Variants in DYTN observed in about 807,000 individuals in gnomAD.
The protein encoded by DYTN is dystrotelin.
A neutral mutation model predicts 69.6 loss-of-function variants in DYTN; 75 were observed. That is an observed-to-expected ratio of 1.08 (90% CI 0.89 to 1.31). The LOEUF is 1.31. Among genes scored for constraint, DYTN ranks in the 50% most tolerant of loss-of-function variants. The probability of loss-of-function intolerance (pLI) is 0.00; values close to 1 mark genes in which losing one functional copy is unlikely to be tolerated. For synonymous variants in DYTN, 252 were observed against 249.1 expected (o/e 1.01, Z -0.11); for missense variants, 726 against 688.4 (o/e 1.05, Z -0.61).
At chr2:206,684,045 T>A (rs1257141419) in intron 9 of DYTN, among the ~76,000 whole-genome samples, 1 of 152,090 alleles carries the variant, frequency 6.6e-6, no homozygotes, top group East Asian at 1.9e-4. Context: ...CTCACTAGGA[T>A]GCAAGCTCAC....
At chr2:206,665,805 G>A in intron 10 of DYTN, 65 bp downstream of exon 10, 3 of 1,566,722 alleles carry the variant, frequency 1.9e-6, no homozygotes, top group South Asian at 2.4e-5. Context: ...CTCCTCCCTT[G>A]GCTGAAGGAC....
chr2:206,683,107 A>G (rs1699768672), intron 9 of DYTN, among the ~76,000 whole-genome samples: 1 of 152,224 alleles, frequency 6.6e-6, no homozygotes, highest in South Asian at 2.1e-4. Flanking sequence ...ATTTTAAGTT[A>G]AAATTTGTAA....
Position 206,655,215 on chromosome 2 carries a change from T to C in DYTN, c.1634-3294A>G, listed in dbSNP as rs1316420811. ...GAGTGTATTGAATTCTGTAAAATGC[T>C]TTTTTCCTATATCTATTGTGATGAT... On this transcript the variant is annotated intron_variant, in intron 11 of 11. Transcript: ENST00000452335. 5.3e-5 allele frequency among the ~76,000 whole-genome samples: 8 copies of C among 151,796 alleles called. No individual in the cohort carries two copies. In the Admixed American group the frequency reaches 5.3e-4, roughly 10 times the overall value.
intron 5 of DYTN, among the ~76,000 whole-genome samples, chr2:206,702,268 T>A (rs1028154487): frequency 6.6e-6 from 1 of 152,264 alleles, no homozygotes; most frequent in African/African-American, 2.4e-5. Flanking sequence ...TATTCCCATT[T>A]GGTCACGGGT....
At chr2:206,710,447 G>A (rs1470440986) in intron 2 of DYTN, 77 bp downstream of exon 2, 12 of 1,389,740 alleles carry the variant, frequency 8.6e-6, no homozygotes, top group Admixed American at 2.1e-5. Flanking sequence ...TGGGGGGAGT[G>A]TTTGTTTTCT....
chr2:206,697,119 C>T (rs1368711888), intron 7 of DYTN, among the ~76,000 whole-genome samples: 1 of 152,188 alleles, frequency 6.6e-6, no homozygotes, highest in Non-Finnish European at 1.5e-5. Flanking sequence ...GCTGCTTTAT[C>T]AAGCATTAAC....
At position 206,693,163 on chromosome 2, in the gene DYTN, G is replaced by T. The variant is rs373961658; in HGVS notation, c.980+12C>A. On this transcript the variant is annotated intron_variant, in intron 9 of 11. Transcript: ENST00000452335. Reference sequence around the variant, plus strand: ...TGCTCTGTGGGATCAGCCAATCCTCGCAGCCACTCACCTGGCCTGCGCATG... The same window carrying T: ...TGCTCTGTGGGATCAGCCAATCCTCTCAGCCACTCACCTGGCCTGCGCATG... 3 of 1,600,212 alleles carry T rather than the reference G, an allele frequency of 1.9e-6. No individual in the cohort carries two copies. The highest frequency in any genetic ancestry group is 2.7e-5 in the African/African-American group (2 of 74,718).
chr2:206,713,813 T>C (rs917281020), intron 1 of DYTN, among the ~76,000 whole-genome samples: 1 of 152,206 alleles, frequency 6.6e-6, no homozygotes, highest in African/African-American at 2.4e-5. Context: ...AGCCAAGACT[T>C]ACTTGTATTT....
At position 206,685,295 on chromosome 2, in the gene DYTN, G is replaced by GT. The variant is rs1351497134; in HGVS notation, c.980+7879_980+7880insA. On this transcript the variant is annotated intron_variant, in intron 9 of 11. Transcript: ENST00000452335. ...TCCCATCTCAGCCACCTGAATAGCGGGAACCACAGGCGTGCACCACCACGC... is the reference window on the plus strand; with the variant it reads ...TCCCATCTCAGCCACCTGAATAGCGGTGAACCACAGGCGTGCACCACCACGC... Among the ~76,000 whole-genome samples, 5 of 152,046 alleles carry GT rather than the reference G, an allele frequency of 3.3e-5. No individual in the cohort carries two copies. In the East Asian group the frequency reaches 9.7e-4, roughly 29 times the overall value.
At chr2:206,700,600 A>G (rs890762245) in intron 5 of DYTN, among the ~76,000 whole-genome samples, 3 of 111,610 alleles carry the variant, frequency 2.7e-5, no homozygotes, top group Non-Finnish European at 6.4e-5. Context: ...AAATATATAT[A>G]CTTTTTTTTT....
chr2:206,703,260 A>G (rs1304809257), intron 5 of DYTN, among the ~76,000 whole-genome samples: 1 of 152,140 alleles, frequency 6.6e-6, no homozygotes, highest in Non-Finnish European at 1.5e-5. Context: ...ATCCCCTTTC[A>G]TCACATCCGC....
intron 9 of DYTN, among the ~76,000 whole-genome samples, chr2:206,687,772 A>G (rs1337329230): frequency 6.6e-6 from 1 of 152,176 alleles, no homozygotes; most frequent in African/African-American, 2.4e-5. Context: ...CCTTTATCAT[A>G]TATTAGGTTC....
At chr2:206,681,836 TC>T (rs1699753439) in intron 9 of DYTN, among the ~76,000 whole-genome samples, 1 of 152,226 alleles carries the variant, frequency 6.6e-6, no homozygotes, top group Non-Finnish European at 1.5e-5. Context: ...CCTGAAGTTT[TC>T]TTTTTTTGTT....
At chr2:206,706,358 T>G (rs529458685) in intron 3 of DYTN, among the ~76,000 whole-genome samples, 5 of 152,144 alleles carry the variant, frequency 3.3e-5, no homozygotes, top group Non-Finnish European at 5.9e-5. Flanking sequence ...ACTGAACAAT[T>G]TATCGAAGGC....
intron 7 of DYTN, among the ~76,000 whole-genome samples, chr2:206,695,476 G>A (rs1001943104): frequency 3.3e-5 from 5 of 152,200 alleles, no homozygotes; most frequent in African/African-American, 1.2e-4. Flanking sequence ...CCACAGCCAA[G>A]TTTCTTGACC....
intron 9 of DYTN, among the ~76,000 whole-genome samples, chr2:206,671,329 G>A (rs1037541557): frequency 1.6e-4 from 24 of 152,198 alleles, no homozygotes; most frequent in African/African-American, 5.5e-4. Flanking sequence ...AAAGCAAAAG[G>A]GCAGTAGCAG....
chr2:206,673,675 T>A (rs1171237719), intron 9 of DYTN, among the ~76,000 whole-genome samples: 4 of 152,230 alleles, frequency 2.6e-5, no homozygotes, highest in Non-Finnish European at 5.9e-5. Context: ...GGCAGAGACT[T>A]CATATCTATA....
chr2:206,704,506 T>C (rs998299535), intron 5 of DYTN, among the ~76,000 whole-genome samples: 28 of 152,234 alleles, frequency 1.8e-4, no homozygotes, highest in Non-Finnish European at 4.4e-5. Flanking sequence ...TATCTGTACC[T>C]ATAGACAGAT....
In DYTN at chr2:206,704,866, T is replaced by G; in HGVS notation, c.460A>C (p.Lys154Gln). The change falls in exon 5 of 12, where the codon AAA becomes CAA. Residue 154 changes from lysine to glutamine, a missense_variant. Coordinates refer to ENST00000452335, the MANE Select transcript of DYTN (RefSeq NM_001093730.1). ...GPRMTRRVLR[K>Q]LLTDLQQIPT... is the part of the protein sequence containing the mutation. Reference sequence around the variant, plus strand: ...ACCTGCTGTAGATCTGTTAGTAGTTTTCTCAAAACCCTTCGAGTCATGCGT... The same window carrying G: ...ACCTGCTGTAGATCTGTTAGTAGTTGTCTCAAAACCCTTCGAGTCATGCGT... The G allele has an allele frequency of 6.2e-7, 1 of 1,613,716 alleles. No individual in the cohort carries two copies. The highest frequency in any genetic ancestry group is 8.5e-7 in the Non-Finnish European group (1 of 1,179,790).
Sources: gnomAD v4.1 joint callset for allele counts (sites outside exome capture counted in the v4.1 genomes callset) on GRCh38, gnomAD v4.1.1 for gene constraint, MANE v1.5 for transcripts, NCBI Gene and HGNC (gene_info 2026-07-23, HGNC 2026-07-21) for gene names.